The following ASTN2 variants were observed in gnomAD, a reference collection of about 807,000 sequenced individuals.
ASTN2 encodes the protein astrotactin 2.
ASTN2 carries 54 observed loss-of-function variants against 139.8 expected under a neutral mutation model. That is an observed-to-expected ratio of 0.39 (90% confidence interval 0.31 to 0.48). The LOEUF (loss-of-function observed/expected upper bound fraction) is 0.48, where lower values mean the gene tolerates loss of function less well. ASTN2 is among the 20% of genes least tolerant of loss of function. The probability of loss-of-function intolerance (pLI) is 0.95; values close to 1 mark genes in which losing one functional copy is unlikely to be tolerated. For synonymous variants in ASTN2, 756 were observed against 719.5 expected (o/e 1.05, Z -0.81); for missense variants, 1,565 against 1,725.1 (o/e 0.91, Z 1.64).
chr9:116,792,313 T>A (rs149813435), intron 13 of ASTN2, among the ~76,000 whole-genome samples: 1 of 152,190 alleles, frequency 6.6e-6, no homozygotes, highest in Non-Finnish European at 1.5e-5. Flanking sequence ...CCCAGGCCAA[T>A]GTCTTCTCCT....
intron 10 of ASTN2, among the ~76,000 whole-genome samples, chr9:116,924,174 T>C (rs1234740291): frequency 6.6e-6 from 1 of 151,840 alleles, no homozygotes; most frequent in Non-Finnish European, 1.5e-5. Flanking sequence ...TTTGGGAGGC[T>C]GAGGCAGGAG....
chr9:117,220,714 A>G (rs1588098204), intron 2 of ASTN2, among the ~76,000 whole-genome samples: 1 of 152,144 alleles, frequency 6.6e-6, no homozygotes, highest in African/African-American at 2.4e-5. Context: ...GCTTGCTGAC[A>G]TCATGATTTT....
At chr9:117,286,466 G>A (rs1834453991) in intron 2 of ASTN2, among the ~76,000 whole-genome samples, 2 of 151,048 alleles carry the variant, frequency 1.3e-5, no homozygotes, top group South Asian at 4.2e-4. Flanking sequence ...GGCAGATCAC[G>A]AGGTCCGGAG....
intron 13 of ASTN2, among the ~76,000 whole-genome samples, chr9:116,797,009 T>A (rs1479413621): frequency 6.6e-6 from 1 of 151,478 alleles, no homozygotes; most frequent in South Asian, 2.1e-4. Context: ...TTTGTAGATA[T>A]GTGATATCAC....
intron 17 of ASTN2, 104 bp downstream of exon 17, chr9:116,651,424 T>C (rs1187203397): frequency 5.4e-6 from 7 of 1,285,596 alleles, no homozygotes; most frequent in East Asian, 2.4e-5. Context: ...GATGATGATA[T>C]GATGATGATC....
chr9:116,743,217 G>C (rs865963299), intron 13 of ASTN2, among the ~76,000 whole-genome samples: 1 of 152,006 alleles, frequency 6.6e-6, no homozygotes, highest in Non-Finnish European at 1.5e-5. Flanking sequence ...TGGACTAAAC[G>C]TTTACCCTAG....
intron 19 of ASTN2, among the ~76,000 whole-genome samples, chr9:116,490,474 A>G (rs1446158038): frequency 6.6e-6 from 1 of 152,012 alleles, no homozygotes; most frequent in East Asian, 1.9e-4. Flanking sequence ...ATTTGTTTCC[A>G]GATAGCCAAT....
At chr9:116,898,187 G>A (rs954758932) in intron 10 of ASTN2, among the ~76,000 whole-genome samples, 2 of 151,982 alleles carry the variant, frequency 1.3e-5, no homozygotes, top group Admixed American at 6.6e-5. Context: ...TGGAAGGATC[G>A]CTTGAGTGCA....
At chr9:116,530,138 TATATATATATATAA>T (rs547770861) in intron 19 of ASTN2, among the ~76,000 whole-genome samples, 385 of 28,262 alleles carry the variant, frequency 0.014, 28 homozygotes, top group African/African-American at 0.039. Context: ...TATATATATA[TATATATATATATAA>T]AATAGAATAT....
chr9:116,586,837 C>CACACACATACAT (rs747809012), intron 19 of ASTN2, among the ~76,000 whole-genome samples: 12 of 149,232 alleles, frequency 8.0e-5, no homozygotes, highest in Non-Finnish European at 1.5e-4. Flanking sequence ...TACATACACA[C>CACACACATACAT]ACACACACAC....
intron 10 of ASTN2, among the ~76,000 whole-genome samples, chr9:116,972,188 G>A (rs1441175754): frequency 7.4e-6 from 1 of 135,538 alleles, no homozygotes; most frequent in Non-Finnish European, 1.6e-5. Flanking sequence ...TCATAAATTA[G>A]TTTACTCATT....
chr9:116,751,139 GAGCC>G (rs1829387355), intron 13 of ASTN2, among the ~76,000 whole-genome samples: 2 of 146,558 alleles, frequency 1.4e-5, no homozygotes, highest in Admixed American at 1.3e-4. Context: ...TAAATTTCAG[GAGCC>G]TCAGTTACTT....
chr9:116,498,427 A>C (rs1005809314), intron 19 of ASTN2, among the ~76,000 whole-genome samples: 1 of 126,520 alleles, frequency 7.9e-6, no homozygotes, highest in South Asian at 2.5e-4. Flanking sequence ...TCTAAAAAAA[A>C]ACAAAAAACA....
At chr9:116,781,694 T>C (rs73655486) in intron 13 of ASTN2, among the ~76,000 whole-genome samples, 9,677 of 152,166 alleles carry the variant, frequency 0.064, 450 homozygotes, top group African/African-American at 0.12. Flanking sequence ...TTACATTTCT[T>C]CTGATTCCTC....
chr9:117,391,211 T>G (rs1830532268), intron 1 of ASTN2, among the ~76,000 whole-genome samples: 1 of 152,210 alleles, frequency 6.6e-6, no homozygotes, highest in Non-Finnish European at 1.5e-5. Context: ...CTTGTAGGCC[T>G]TGATTAGGAA....
chr9:116,543,196 G>C (rs577450914), intron 19 of ASTN2, among the ~76,000 whole-genome samples: 2 of 151,494 alleles, frequency 1.3e-5, no homozygotes, highest in East Asian at 3.9e-4. Flanking sequence ...TATAGCATAA[G>C]GGCAGTCTGA....
At chr9:116,598,791 CA>C (rs1190417513) in intron 19 of ASTN2, among the ~76,000 whole-genome samples, 1 of 152,194 alleles carries the variant, frequency 6.6e-6, no homozygotes, top group Non-Finnish European at 1.5e-5. Flanking sequence ...ATAATTCATA[CA>C]GTTGAACTAG....
At chr9:116,936,297 C>T (rs576008093) in intron 10 of ASTN2, among the ~76,000 whole-genome samples, 2 of 151,092 alleles carry the variant, frequency 1.3e-5, no homozygotes, top group South Asian at 2.1e-4. Flanking sequence ...ACCATCACCA[C>T]CACCAACATT....
At chr9:116,959,514 G>A (rs1300646947) in intron 10 of ASTN2, among the ~76,000 whole-genome samples, 2 of 152,126 alleles carry the variant, frequency 1.3e-5, no homozygotes, top group African/African-American at 4.8e-5. Flanking sequence ...AGTGGCTCGT[G>A]GAGGATGACC....
Sources: gnomAD v4.1 joint callset for allele counts (sites outside exome capture counted in the v4.1 genomes callset) on GRCh38, gnomAD v4.1.1 for gene constraint, MANE v1.5 for transcripts, NCBI Gene and HGNC (gene_info 2026-07-23, HGNC 2026-07-21) for gene names.